The following NOD2 variants were observed in gnomAD, a reference collection of about 807,000 sequenced individuals.
The protein encoded by NOD2 is nucleotide-binding oligomerization domain-containing protein 2.
A neutral mutation model predicts 90.9 loss-of-function variants in NOD2; 86 were observed. The ratio of observed to expected loss-of-function variants is 0.95; its 90% CI spans 0.79 to 1.13. NOD2 has a LOEUF of 1.13. NOD2 is among the 50% of genes most tolerant of loss of function. The pLI, the probability that NOD2 is intolerant of heterozygous loss-of-function variation, is 0.00. For synonymous variants in NOD2, 581 were observed against 554.6 expected (o/e 1.05, Z -0.67); for missense variants, 1,238 against 1,283.8 (o/e 0.96, Z 0.55).
intron 7 of NOD2, among the ~76,000 whole-genome samples, chr16:50,720,816 T>A (rs933329861): frequency 1.3e-5 from 2 of 151,172 alleles, no homozygotes; most frequent in Non-Finnish European, 2.9e-5. Context: ...TTTGTTTTGT[T>A]TTGTTTGAGA....
chr16:50,707,312 C>T (rs1324940700), intron 2 of NOD2, among the ~76,000 whole-genome samples: 1 of 152,120 alleles, frequency 6.6e-6, no homozygotes, highest in Non-Finnish European at 1.5e-5. Flanking sequence ...TTAATATTAG[C>T]CAAGATGAGG....
At chr16:50,731,302 T>A (rs1965444494) in intron 11 of NOD2, among the ~76,000 whole-genome samples, 1 of 152,184 alleles carries the variant, frequency 6.6e-6, no homozygotes, top group African/African-American at 2.4e-5. Context: ...TGTTTCTTTG[T>A]TTTTGAAACC....
chr16:50,720,858 G>A (rs1965021750), intron 7 of NOD2, among the ~76,000 whole-genome samples: 1 of 152,122 alleles, frequency 6.6e-6, no homozygotes, highest in Non-Finnish European at 1.5e-5. Context: ...AGGCTAGAGT[G>A]CAGTGGCACG....
At chr16:50,725,672 G>A (rs1821423009) in intron 10 of NOD2, 100 bp downstream of exon 10, 3 of 901,050 alleles carry the variant, frequency 3.3e-6, no homozygotes, top group African/African-American at 1.6e-5. Context: ...GCTAACTCAT[G>A]TGAGGTGGCC....
At chr16:50,698,249 C>T (rs909945845) in intron 1 of NOD2, among the ~76,000 whole-genome samples, 1 of 152,184 alleles carries the variant, frequency 6.6e-6, no homozygotes, top group Non-Finnish European at 1.5e-5. Flanking sequence ...GCTCAGGGAC[C>T]CTGCCAGGGC....
At chr16:50,704,296 C>A (rs891924250) in intron 2 of NOD2, among the ~76,000 whole-genome samples, 1 of 152,166 alleles carries the variant, frequency 6.6e-6, no homozygotes, top group Non-Finnish European at 1.5e-5. Context: ...AATCCTATGG[C>A]CTCTTCTTCC....
chr16:50,724,263 C>A (rs191797196), intron 9 of NOD2, among the ~76,000 whole-genome samples: 1 of 152,284 alleles, frequency 6.6e-6, no homozygotes, highest in East Asian at 1.9e-4. Context: ...TGTTGCAGGG[C>A]TTACTAGCTC....
chr16:50,714,704 CT>C (rs1964705037), intron 4 of NOD2, among the ~76,000 whole-genome samples: 2 of 151,614 alleles, frequency 1.3e-5, no homozygotes, highest in African/African-American at 4.9e-5. Flanking sequence ...GCACAGGCTC[CT>C]CTCCCACAGT....
chr16:50,721,002 A>G (rs1965030065), intron 7 of NOD2, among the ~76,000 whole-genome samples: 1 of 151,968 alleles, frequency 6.6e-6, no homozygotes, highest in South Asian at 2.1e-4. Context: ...ACAGGGTTTC[A>G]CCATGTTGGC....
chr16:50,712,319 G>A lies in NOD2; in HGVS notation c.2327G>A (p.Gly776Asp), dbSNP rs1964574970. 3.1e-6 allele frequency: 5 copies of A among 1,614,064 alleles called. No homozygotes were observed. The highest frequency in any genetic ancestry group is 4.2e-6 in the Non-Finnish European group (5 of 1,180,050). ...VALQLDYNSV[G>D]DIGVEQLLPC... ...CTGCAGCTGGACTACAACTCTGTGG[G>A]TGACATTGGCGTGGAGCAGCTGCTG... is the stretch of plus-strand genomic sequence containing the variant. Residue 776 changes from glycine (G) to aspartate (D), a missense_variant, in exon 4 of 12, where the codon GGT (glycine) becomes GAT (aspartate). Physicochemically the swap from Gly to Asp is moderately conservative, Grantham distance 94. Transcript: ENST00000647318.
At chr16:50,731,638 A>C (rs981813183) in intron 11 of NOD2, 109 bp from the exon 12 acceptor site, 31 of 797,156 alleles carry the variant, frequency 3.9e-5, no homozygotes, top group Non-Finnish European at 6.2e-5. Flanking sequence ...CAGCTGGGCC[A>C]GAGAGTCAGC....
chr16:50,693,983 C>T (rs907988816), intron 1 of NOD2, among the ~76,000 whole-genome samples: 1 of 152,128 alleles, frequency 6.6e-6, no homozygotes, highest in African/African-American at 2.4e-5. Context: ...CCTGCTGCTG[C>T]TCTCTGTACC....
chr16:50,725,492 G>C lies in NOD2; in HGVS notation c.2805G>C (p.Leu935=). The C allele has an allele frequency of 6.2e-7, 1 of 1,612,870 alleles. No homozygotes were observed. Among genetic ancestry groups the C allele is most frequent in the Non-Finnish European group, 8.5e-7 (1 of 1,178,894 alleles). The part of the protein sequence containing the change: ...AKNVMLEELC[L]EENHLQDEGV... ...TTTTCTCTCTTCTTCTCACCAGCCT[G>C]GAGGAGAACCATCTCCAGGATGAAG... is the stretch of plus-strand genomic sequence containing the variant. Residue 935 remains leucine (L), a synonymous_variant, in exon 10 of 12, where the codon CTG becomes CTC. Coordinates refer to ENST00000647318, the MANE Select transcript of NOD2 (RefSeq NM_001370466.1).
At chr16:50,724,561 T>C (rs1965199829) in intron 9 of NOD2, among the ~76,000 whole-genome samples, 2 of 152,224 alleles carry the variant, frequency 1.3e-5, no homozygotes, top group Non-Finnish European at 2.9e-5. Context: ...TTGCCTTATA[T>C]GGGCATGGTG....
At chr16:50,698,348 T>G (rs1172219285) in intron 1 of NOD2, among the ~76,000 whole-genome samples, 3 of 151,978 alleles carry the variant, frequency 2.0e-5, no homozygotes, top group African/African-American at 7.3e-5. Flanking sequence ...CTGTGCACGG[T>G]GGTTTCGAGG....
chr16:50,711,323 G>A lies in NOD2; in HGVS notation c.1331G>A (p.Arg444His), dbSNP rs764414933. ...CCCGGGGTGGCGGACCGCCTCATCC[G>A]CCTGCTCCAAGAGACCTCAGCCCTG... ...HEPGVADRLI[R>H]LLQETSALHG... The change falls in exon 4 of 12, where the codon CGC (arginine) becomes CAC (histidine). Residue 444 changes from arginine (R) to histidine (H), a missense_variant. Arg to His is a conservative substitution (Grantham distance 29). Transcript: ENST00000647318. 12 of 1,613,646 alleles carry A rather than the reference G, an allele frequency of 7.4e-6. No homozygotes were observed. The highest frequency in any genetic ancestry group is 4.4e-5 in the South Asian group (4 of 91,082).
chr16:50,722,007 G>C (rs1182401258), intron 7 of NOD2, among the ~76,000 whole-genome samples: 2 of 152,204 alleles, frequency 1.3e-5, no homozygotes, highest in African/African-American at 4.8e-5. Context: ...TTGCTAACTT[G>C]TGTACATACC....
intron 1 of NOD2, among the ~76,000 whole-genome samples, chr16:50,695,543 G>T (rs1388542786): frequency 1.3e-5 from 2 of 152,078 alleles, no homozygotes; most frequent in Non-Finnish European, 2.9e-5. Context: ...AAAACTTTGG[G>T]CATCATCACC....
At chr16:50,710,448 C>G in intron 3 of NOD2, 110 bp from the exon 4 acceptor site, 3 of 1,486,238 alleles carry the variant, frequency 2.0e-6, no homozygotes, top group East Asian at 2.3e-5. Context: ...CGCCCGCTGG[C>G]TCTCCTATCC....
Sources: allele counts gnomAD v4.1 joint callset (sites outside exome capture counted in the v4.1 genomes callset), GRCh38; gene constraint gnomAD v4.1.1; transcripts MANE v1.5; gene names NCBI Gene and HGNC (gene_info 2026-07-23, HGNC 2026-07-21).